The following VSX1 variants were observed in gnomAD, a reference collection of about 807,000 sequenced individuals.
VSX1 encodes homeodomain protein RINX.
Under a neutral mutation model 23.6 loss-of-function variants are expected in VSX1, and 23 were observed. The ratio of observed to expected loss-of-function variants is 0.97; its 90% CI spans 0.70 to 1.38. The LOEUF is 1.38. VSX1 is among the 40% of genes most tolerant of loss of function. The probability of loss-of-function intolerance (pLI) is 0.00; values close to 1 mark genes in which losing one functional copy is unlikely to be tolerated. For synonymous variants in VSX1, 247 were observed against 215.1 expected (o/e 1.15, Z -1.30); for missense variants, 517 against 495.4 (o/e 1.04, Z -0.41).
At chr20:25,077,921 C>A (rs1386238653) in intron 3 of VSX1, 56 bp from the exon 4 acceptor site, 1 of 1,542,514 alleles carries the variant, frequency 6.5e-7, no homozygotes, top group African/African-American at 1.4e-5. Context: ...AAGAGGGGCG[C>A]CTGGAGGAGC....
downstream of VSX1, among the ~76,000 whole-genome samples, chr20:25,075,184 G>C (rs1298486613): frequency 6.6e-6 from 1 of 152,166 alleles, no homozygotes; most frequent in Non-Finnish European, 1.5e-5. Context: ...CTCACAATGA[G>C]CAGTTCCACA....
At chr20:25,072,602 A>C, downstream of VSX1, 3 of 471,236 alleles carry the variant, frequency 6.4e-6, no homozygotes, top group South Asian at 4.6e-5. Context: ...CAATCGGCTT[A>C]GCAGGTTCAC....
intron 1 of VSX1, chr20:25,081,301 C>G (rs2089636136): frequency 2.1e-6 from 1 of 477,202 alleles, no homozygotes; most frequent in Non-Finnish European, 4.0e-6. Context: ...ACCACAGGCC[C>G]GGGCCTTCCC....
At position 25,081,787 on chromosome 20, in the gene VSX1, C is replaced by T; in HGVS notation, c.310G>A (p.Ala104Thr). ...AAARAPCLLL[A>T]DVPFLPPRGP... ...CTGGGCGGCAGGAACGGCACGTCCG[C>T]TAGGAGCAGGCAGGGTGCTCGAGCG... Residue 104 changes from alanine (A) to threonine (T), a missense_variant, in exon 1 of 5, where the codon GCG (alanine) becomes ACG (threonine). Coordinates refer to ENST00000376709, the MANE Select transcript of VSX1 (RefSeq NM_014588.6). The T allele has an allele frequency of 1.3e-6, 2 of 1,503,374 alleles. No homozygotes were observed. The highest frequency in any genetic ancestry group is 2.4e-4 in the Middle Eastern group (1 of 4,250). 93.1% of individuals were successfully genotyped at this position (1,503,374 alleles called of 1,614,324 possible). A position where few individuals can be genotyped will look rare whatever the true frequency, so the allele number is the denominator to read the frequency against.
In VSX1 at chr20:25,076,434, G is replaced by A; in HGVS notation, c.925C>T (p.Gln309Ter). 1 of 1,614,126 alleles carries A rather than the reference G, an allele frequency of 6.2e-7. No individual in the cohort carries two copies. Among genetic ancestry groups the A allele is most frequent in the Non-Finnish European group, 8.5e-7 (1 of 1,180,034 alleles). The change falls in exon 5 of 5, where the codon CAG becomes TAG. Residue 309 changes from glutamine to a stop codon, truncating the protein, a stop_gained. Transcript: ENST00000376709. LOFTEE classifies it low-confidence loss of function (END_TRUNC). ...GGGCTCACTTTATCTGAGCCTCTCTGTGATCCTGACTCACTCTGGCTAGAA... is the reference window on the plus strand; with the variant it reads ...GGGCTCACTTTATCTGAGCCTCTCTATGATCCTGACTCACTCTGGCTAGAA... ...EGSSQSESGS[Q>*]RGSDKVSPEN... is the part of the protein sequence containing the mutation.
rs776706657 is a variant in VSX1, at chr20:25,082,117, G to C, written c.-21C>G. 1.3e-6 allele frequency: 2 copies of C among 1,535,570 alleles called. No individual in the cohort carries two copies. The highest frequency in any genetic ancestry group is 2.4e-5 in the South Asian group (2 of 84,082). On this transcript the variant is annotated 5_prime_UTR_variant, in exon 1 of 5. Transcript: ENST00000376709. ...GTCATGGTTCCTTAGCAAGCAAGGC[G>C]CGAGCCTCTCTGGATCCCGTTTGCG... is the stretch of plus-strand genomic sequence containing the variant.
At chr20:25,072,496 T>C (rs773847825), downstream of VSX1, 21 of 470,064 alleles carry the variant, frequency 4.5e-5, no homozygotes, top group South Asian at 2.5e-4. Flanking sequence ...ATGATCACAG[T>C]CTTATCAAAG....
intron 3 of VSX1, chr20:25,078,406 G>A: frequency 2.0e-6 from 1 of 501,082 alleles, no homozygotes; most frequent in Non-Finnish European, 2.9e-6. Flanking sequence ...ATGTATGCAT[G>A]TGAGTGTGTG....
downstream of VSX1, chr20:25,071,758 T>A (rs1165075974): frequency 1.4e-6 from 1 of 695,212 alleles, no homozygotes; most frequent in South Asian, 1.5e-5. Context: ...TGCTTTCAAC[T>A]CCTAGGTTGT....
downstream of VSX1, chr20:25,072,087 T>C (rs1166337975): frequency 1.7e-6 from 1 of 606,012 alleles, no homozygotes; most frequent in African/African-American, 1.9e-5. Context: ...GAGGGAAAGG[T>C]GGGACTGAGA....
rs1250272634 is a variant in VSX1 at position 25,079,500 on chromosome 20, A to T, written c.439T>A (p.Ser147Thr). 1 of 1,612,224 alleles carries T rather than the reference A, an allele frequency of 6.2e-7. No individual in the cohort carries two copies. Among genetic ancestry groups the T allele is most frequent in the Non-Finnish European group, 8.5e-7 (1 of 1,179,310 alleles). Residue 147 changes from serine to threonine, a missense_variant, in exon 2 of 5, where the codon TCT becomes ACT. Ser to Thr is a moderately conservative substitution (Grantham distance 58). Coordinates refer to ENST00000376709, the MANE Select transcript of VSX1 (RefSeq NM_014588.6). ...GCCTTTAGGTCATTCCTGTCTTCAG[A>T]CTGGCTGTCCTCATCTGATGGCACA... Reference protein sequence around the residue: ...SVSTSDEDSQSEDRNDLKASP... With the variant: ...SVSTSDEDSQTEDRNDLKASP...
In VSX1 at chr20:25,081,984, C is replaced by T. The variant is rs954041391; in HGVS notation, c.113G>A (p.Gly38Asp). ...PRGFAITDLL[G>D]LEAELPAPAG... Reference sequence around the variant, plus strand: ...GGGCGCCGGCAGCTCGGCCTCCAAGCCCAGCAGGTCCGTGATGGCGAAGCC... The same window carrying T: ...GGGCGCCGGCAGCTCGGCCTCCAAGTCCAGCAGGTCCGTGATGGCGAAGCC... The change falls in exon 1 of 5, where the codon GGC becomes GAC. Residue 38 changes from glycine to aspartate, a missense_variant. Coordinates refer to ENST00000376709, the MANE Select transcript of VSX1 (RefSeq NM_014588.6). The T allele has an allele frequency of 2.6e-6, 4 of 1,533,748 alleles. No individual in the cohort carries two copies. In the African/African-American group the frequency reaches 4.1e-5, roughly 16 times the overall value.
intron 2 of VSX1, among the ~76,000 whole-genome samples, chr20:25,079,234 C>T (rs59089167): frequency 0.02 from 3,065 of 152,278 alleles, 99 homozygotes; most frequent in African/African-American, 0.07. Flanking sequence ...CAAAAAAATG[C>T]TAGCAAGATT....
intron 3 of VSX1, among the ~76,000 whole-genome samples, chr20:25,078,192 T>G (rs1231442687): frequency 1.3e-5 from 2 of 152,182 alleles, no homozygotes; most frequent in Non-Finnish European, 2.9e-5. Flanking sequence ...TGTGAAGAGG[T>G]CAACTACAGT....
chr20:25,079,583 G>A (rs2089596995), intron 1 of VSX1, 69 bp from the exon 2 acceptor site: 9 of 1,515,834 alleles, frequency 5.9e-6, no homozygotes, highest in Middle Eastern at 3.4e-4. Flanking sequence ...GGATTTTAAT[G>A]TGAGGATTGA....
In VSX1 at chr20:25,076,497, A is replaced by G. The variant is rs768762571; in HGVS notation, c.862T>C (p.Leu288=). Reference sequence around the variant, plus strand: ...TGGTCAGAGCCCCAGAGTCCTGCCAACTTATCTTCACTTCCTGGCTTCCTT... The same window carrying G: ...TGGTCAGAGCCCCAGAGTCCTGCCAGCTTATCTTCACTTCCTGGCTTCCTT... ...MIRKPGSEDK[L]AGLWGSDHFK... Residue 288 remains leucine, a synonymous_variant, in exon 5 of 5, where the codon TTG becomes CTG. Coordinates refer to ENST00000376709, the MANE Select transcript of VSX1 (RefSeq NM_014588.6). 1 of 1,613,862 alleles carries G rather than the reference A, an allele frequency of 6.2e-7. No homozygotes were observed. Among genetic ancestry groups the G allele is most frequent in the African/African-American group, 1.3e-5 (1 of 74,994 alleles).
In VSX1 at chr20:25,081,727, G is replaced by C. The variant is rs2089647887; in HGVS notation, c.370C>G (p.Arg124Gly). ...PEPAAPLAPS[R>G]PPPALGRQKR... is the part of the protein sequence containing the mutation. ...TGGCGGCCGAGCGCAGGCGGCGGAC[G>C]GCTGGGAGCCAGCGGGGCAGCGGGC... Residue 124 changes from arginine (R) to glycine (G), a missense_variant, in exon 1 of 5, where the codon CGT becomes GGT. Coordinates refer to ENST00000376709, the MANE Select transcript of VSX1 (RefSeq NM_014588.6). The C allele has an allele frequency of 4.0e-6, 6 of 1,501,588 alleles. No homozygotes were observed. Among genetic ancestry groups the C allele is most frequent in the Non-Finnish European group, 4.4e-6 (5 of 1,133,250 alleles). 93.0% of individuals were successfully genotyped at this position (1,501,588 alleles called of 1,614,324 possible). A position where few individuals can be genotyped will look rare whatever the true frequency, so the allele number is the denominator to read the frequency against.
intron 1 of VSX1, 89 bp from the exon 2 acceptor site, chr20:25,079,603 C>A: frequency 3.6e-6 from 5 of 1,394,778 alleles, no homozygotes; most frequent in Admixed American, 2.0e-5. Context: ...AAGTTATGAA[C>A]CTCTTGGGTA....
chr20:25,081,344 G>A (rs6050305), intron 1 of VSX1: 15,570 of 596,936 alleles, frequency 0.026, 1,747 homozygotes, highest in African/African-American at 0.25. Context: ...GGAGACTGGC[G>A]CCTGGCGCTG....
Sources: allele counts gnomAD v4.1 joint callset (sites outside exome capture counted in the v4.1 genomes callset), GRCh38; gene constraint gnomAD v4.1.1; transcripts MANE v1.5; gene names NCBI Gene and HGNC (gene_info 2026-07-23, HGNC 2026-07-21).